The following PSMA6 variants were observed in gnomAD, a reference collection of about 807,000 sequenced individuals.
The protein encoded by PSMA6 is proteasome subunit alpha type-6.
For missense variants in PSMA6, 170 were observed against 294.8 expected, an observed-to-expected ratio of 0.58 and a Z score of 3.10; for synonymous variants, 88 against 97.7, an observed-to-expected ratio of 0.90 and a Z score of 0.59.
At chr14:35,315,402 A>T (rs1204924539) in intron 6 of PSMA6, 1 of 152,088 alleles carries the variant, frequency 6.6e-6, no homozygotes, top group African/African-American at 2.4e-5. Context: ...ACTTTAAAAA[A>T]AAAAAAACAG....
chr14:35,279,850 C>T (rs887123637), intron 1 of PSMA6, among the ~76,000 whole-genome samples: 3 of 152,292 alleles, frequency 2.0e-5, no homozygotes, highest in South Asian at 2.1e-4. Context: ...TCGGGCCGGG[C>T]GTGGTGGCTC....
chr14:35,285,355 C>CAACA (rs1555335396), intron 1 of PSMA6, among the ~76,000 whole-genome samples: 1 of 141,820 alleles, frequency 7.1e-6, no homozygotes, highest in African/African-American at 2.8e-5. Flanking sequence ...AAACAAAAAA[C>CAACA]AAAAAAAAAA....
In PSMA6 at chr14:35,310,838, A is replaced by G; in HGVS notation, c.352A>G (p.Ile118Val). 6.2e-7 allele frequency: 1 copy of G among 1,613,802 alleles called. No homozygotes were observed. The highest frequency in any genetic ancestry group is 1.1e-5 in the South Asian group (1 of 91,072). Residue 118 changes from isoleucine to valine, a missense_variant, in exon 4 of 7, where the codon ATT becomes GTT. By Grantham distance (29) the Ile-to-Val change is conservative. Coordinates refer to ENST00000261479, the MANE Select transcript of PSMA6 (RefSeq NM_002791.3). ...TCCTGTGGACATGCTGTGTAAAAGA[A>G]TTGCCGATATTTCTCAGGTCTACAC... ...EIPVDMLCKR[I>V]ADISQVYTQN...
chr14:35,294,681 T>C (rs1329824440), intron 1 of PSMA6, among the ~76,000 whole-genome samples: 1 of 152,194 alleles, frequency 6.6e-6, no homozygotes, highest in Non-Finnish European at 1.5e-5. Flanking sequence ...TGTTATTAGA[T>C]GCTTGTTTGA....
intron 1 of PSMA6, among the ~76,000 whole-genome samples, chr14:35,300,463 C>T (rs112435066): frequency 0.052 from 7,838 of 152,086 alleles, 312 homozygotes; most frequent in African/African-American, 0.11. Context: ...CAGAGTGAGA[C>T]CTTGTCTCAG....
At chr14:35,280,785 A>G (rs1430344677) in intron 1 of PSMA6, among the ~76,000 whole-genome samples, 1 of 151,036 alleles carries the variant, frequency 6.6e-6, no homozygotes, top group African/African-American at 2.4e-5. Context: ...GTAGCTATTC[A>G]CAGTGGTCAT....
upstream of PSMA6, chr14:35,292,203 C>T: frequency 1.2e-6 from 1 of 854,048 alleles, no homozygotes; most frequent in Non-Finnish European, 1.6e-6. Flanking sequence ...AGCGCCACGA[C>T]CCAAGTTTCA....
At chr14:35,300,916 A>C (rs909869890) in intron 1 of PSMA6, among the ~76,000 whole-genome samples, 3 of 152,234 alleles carry the variant, frequency 2.0e-5, no homozygotes, top group Admixed American at 2.0e-4. Flanking sequence ...AGGTTTATAA[A>C]GAGGAAGAGT....
intron 1 of PSMA6, among the ~76,000 whole-genome samples, chr14:35,297,572 C>T (rs2051622750): frequency 6.6e-6 from 1 of 151,998 alleles, no homozygotes; most frequent in Non-Finnish European, 1.5e-5. Context: ...TTCAAGCCCA[C>T]GTTTATATGG....
intron 1 of PSMA6, among the ~76,000 whole-genome samples, chr14:35,299,436 C>T (rs1222234165): frequency 6.7e-6 from 1 of 148,678 alleles, no homozygotes; most frequent in Non-Finnish European, 1.5e-5. Flanking sequence ...GATTCTCCTG[C>T]CTCAGCACCC....
At chr14:35,307,452 G>T (rs745599416) in intron 1 of PSMA6, among the ~76,000 whole-genome samples, 11 of 152,246 alleles carry the variant, frequency 7.2e-5, no homozygotes, top group South Asian at 2.1e-4. Context: ...CCATTATTGG[G>T]GCGGGGAGTG....
rs963240566 is a variant in PSMA6, at chr14:35,296,319, G to A, written c.76+3767G>A. On this transcript the variant is annotated intron_variant, in intron 1 of 6. Coordinates refer to ENST00000261479, the MANE Select transcript of PSMA6 (RefSeq NM_002791.3). ...ATAGTAAGCACTCAATGTTTTCTGG[G>A]TGTTTGTTTGTTTGTTTGTTTGTTT... 2.6e-5 allele frequency among the ~76,000 whole-genome samples: 4 copies of A among 151,580 alleles called. No homozygotes were observed. The South Asian group carries it at 6.2e-4, about 24-fold the overall frequency.
intron 1 of PSMA6, among the ~76,000 whole-genome samples, chr14:35,280,384 T>C (rs1466422280): frequency 6.6e-6 from 1 of 151,272 alleles, no homozygotes; most frequent in African/African-American, 2.4e-5. Context: ...CTTTTTTTTT[T>C]TTTTTTCTTT....
At chr14:35,316,346 A>G (rs2052043928) in intron 6 of PSMA6, 1 of 148,068 alleles carries the variant, frequency 6.8e-6, no homozygotes, top group Non-Finnish European at 1.5e-5. Flanking sequence ...AGATTGTGCC[A>G]CTGCACTCCA....
rs75548236 is a variant in PSMA6, at chr14:35,286,662, G to A, written c.19+7944G>A. Among the ~76,000 whole-genome samples the A allele has an allele frequency of 4.0e-3, 608 of 152,274 alleles. 4 individuals carry two copies. The highest frequency in any genetic ancestry group is 5.8e-3 in the Non-Finnish European group (394 of 68,020). On this transcript the variant is annotated intron_variant, in intron 1 of 6. Transcript: ENST00000540871. ...ATAGTTGTATTTAAATGTCCTTTGG[G>A]TTGAAGTGATACAAGTTTATTCCCT...
chr14:35,286,382 G>C (rs960830851), intron 1 of PSMA6, among the ~76,000 whole-genome samples: 2 of 152,192 alleles, frequency 1.3e-5, no homozygotes, highest in African/African-American at 4.8e-5. Context: ...AACCACCAAC[G>C]GTTAAGCCCA....
At position 35,292,420 on chromosome 14, in the gene PSMA6, C is replaced by T; in HGVS notation, c.-57C>T. On this transcript the variant is annotated 5_prime_UTR_variant, in exon 1 of 7. Coordinates refer to ENST00000261479, the MANE Select transcript of PSMA6 (RefSeq NM_002791.3). ...GCAACTTCCGGGAGGTGCTTGTGTG[C>T]CTGGTGCGGGAGCTACGGGGCCCAG... 1.9e-6 allele frequency: 3 copies of T among 1,577,364 alleles called. No homozygotes were observed. Among genetic ancestry groups the T allele is most frequent in the Non-Finnish European group, 1.7e-6 (2 of 1,162,616 alleles).
rs11547365 is a variant in PSMA6, at chr14:35,292,434, T to G, written c.-43T>G. 52,388 of 1,592,794 alleles carry G rather than the reference T, an allele frequency of 0.033. 1,166 individuals carry two copies. The highest frequency in any genetic ancestry group is 0.099 in the African/African-American group (7,307 of 74,126). ...GTGCTTGTGTGCCTGGTGCGGGAGCTACGGGGCCCAGGGATTGTGTTTAAA... is the reference window on the plus strand; with the variant it reads ...GTGCTTGTGTGCCTGGTGCGGGAGCGACGGGGCCCAGGGATTGTGTTTAAA... On this transcript the variant is annotated 5_prime_UTR_variant, in exon 1 of 7. Coordinates refer to ENST00000261479, the MANE Select transcript of PSMA6 (RefSeq NM_002791.3).
At chr14:35,308,809 G>A in intron 2 of PSMA6, 105 bp from the exon 3 acceptor site, 1 of 777,436 alleles carries the variant, frequency 1.3e-6, no homozygotes. Context: ...CCATAGTATT[G>A]TTTTCTCCAA....
Sources: gnomAD v4.1 joint callset for allele counts (sites outside exome capture counted in the v4.1 genomes callset) on GRCh38, gnomAD v4.1.1 for gene constraint, MANE v1.5 for transcripts, NCBI Gene and HGNC (gene_info 2026-07-23, HGNC 2026-07-21) for gene names.